The following CHM variants were observed in gnomAD, a reference collection of about 807,000 sequenced individuals.
CHM encodes the protein CHM Rab escort protein, also known as rab proteins geranylgeranyltransferase component A 1.
CHM carries 10 observed loss-of-function variants against 49.0 expected under a neutral mutation model. The ratio of observed to expected loss-of-function variants is 0.20; its 90% CI spans 0.13 to 0.35. CHM has a LOEUF of 0.35. CHM is among the 10% of genes least tolerant of loss of function. The pLI is 1.00. For missense variants in CHM, 455 were observed against 478.4 expected (o/e 0.95, Z 0.46); for synonymous variants, 184 against 167.5 (o/e 1.10, Z -0.76).
rs1433263189 is a variant in CHM, at chrX:85,995,258, C to CT, written c.117-13450dup. On this transcript the variant is annotated intron_variant, in intron 2 of 14. Coordinates refer to ENST00000357749, the MANE Select transcript of CHM (RefSeq NM_000390.4). Reference sequence around the variant, plus strand: ...TAAAGGGTGAAAACATTCCTTATTACTTAAAAAAAAAAAAAAAAAAAAAAA... The same window carrying CT: ...TAAAGGGTGAAAACATTCCTTATTACTTTAAAAAAAAAAAAAAAAAAAAAAA... Among the ~76,000 whole-genome samples, 7 of 41,782 alleles carry CT rather than the reference C, an allele frequency of 1.7e-4. No homozygotes were observed. The Admixed American group carries it at 1.9e-3, about 11-fold the overall frequency. 36.3% of individuals were successfully genotyped at this position (41,782 alleles called of 115,157 possible).
chrX:86,024,726 C>T (rs1179504800), intron 2 of CHM, among the ~76,000 whole-genome samples: 2 of 112,064 alleles, frequency 1.8e-5, no homozygotes, highest in East Asian at 5.6e-4. Context: ...ATCATAGTAC[C>T]TAGAAGAGAT....
intron 2 of CHM, among the ~76,000 whole-genome samples, chrX:86,014,658 T>A (rs1182716743): frequency 8.9e-6 from 1 of 112,327 alleles, no homozygotes; most frequent in African/African-American, 3.2e-5. Flanking sequence ...AAATCCTGCA[T>A]CACTATATAA....
chrX:86,018,452 T>G lies in CHM; in HGVS notation c.116+9039A>C, dbSNP rs80128497. 6.6e-3 allele frequency among the ~76,000 whole-genome samples: 738 copies of G among 112,198 alleles called. 4 individuals are homozygous for G. Among genetic ancestry groups the G allele is most frequent in the East Asian group, 0.057 (204 of 3,553 alleles). On this transcript the variant is annotated intron_variant, in intron 2 of 14. Coordinates refer to ENST00000357749, the MANE Select transcript of CHM (RefSeq NM_000390.4). The stretch of plus-strand genomic sequence containing the variant: ...TGTTAATGGGAAATAGTATAGGAAC[T>G]CTGCAAAATAGCTTGGCAATTTCTT...
rs1389444440 is a variant in CHM, at chrX:85,873,067, A to G, written c.1755T>C (p.Asp585=). ...CSGPDCGLGN[D]NAVKQAETLF... The stretch of plus-strand genomic sequence containing the variant: ...AGAGCCTTACCTGTTTGACTGCATT[A>G]TCATTTCCTAAACCACAATCTGGGC... Residue 585 remains aspartate (D), a synonymous_variant, in exon 14 of 15, where the codon GAT becomes GAC. Transcript: ENST00000357749. The G allele has an allele frequency of 1.7e-6, 2 of 1,209,085 alleles. No individual in the cohort carries two copies. Among genetic ancestry groups the G allele is most frequent in the South Asian group, 3.5e-5 (2 of 56,746 alleles).
intron 2 of CHM, among the ~76,000 whole-genome samples, chrX:86,012,822 C>T (rs1456956661): frequency 4.5e-5 from 5 of 110,619 alleles, no homozygotes; most frequent in African/African-American, 1.6e-4. Flanking sequence ...CCTAGGCAGA[C>T]AGTGGCAGGT....
chrX:86,044,329 G>A (rs1422011960), intron 1 of CHM, among the ~76,000 whole-genome samples: 1 of 112,012 alleles, frequency 8.9e-6, no homozygotes, highest in African/African-American at 3.2e-5. Context: ...TCATTTGTAT[G>A]TCTAATAGCA....
chrX:85,875,786 A>G (rs186289800), intron 13 of CHM, among the ~76,000 whole-genome samples: 1 of 111,702 alleles, frequency 9.0e-6, no homozygotes, highest in Non-Finnish European at 1.9e-5. Context: ...TTCACTGACC[A>G]TATGATTCTA....
chrX:85,999,549 T>C (rs905984445), intron 2 of CHM, among the ~76,000 whole-genome samples: 9 of 112,011 alleles, frequency 8.0e-5, no homozygotes, highest in African/African-American at 2.3e-4. Flanking sequence ...CAATTATTGG[T>C]AGAAGTAGAT....
At chrX:86,007,699 A>G (rs754729975) in intron 2 of CHM, among the ~76,000 whole-genome samples, 31 of 112,544 alleles carry the variant, frequency 2.8e-4, no homozygotes, top group African/African-American at 7.7e-4. Flanking sequence ...AATCAAAACC[A>G]CAATGAGGTA....
At chrX:85,977,534 A>G (rs915013625) in intron 4 of CHM, among the ~76,000 whole-genome samples, 1 of 112,553 alleles carries the variant, frequency 8.9e-6, no homozygotes, top group African/African-American at 3.2e-5. Flanking sequence ...TTGAAGTAAC[A>G]AAAGTATAAT....
At chrX:86,020,579 CAAAT>C (rs1933493709) in intron 2 of CHM, among the ~76,000 whole-genome samples, 1 of 104,338 alleles carries the variant, frequency 9.6e-6, no homozygotes, top group Non-Finnish European at 2.0e-5. Flanking sequence ...ATATATATTA[CAAAT>C]ATTACTATAT....
At chrX:85,962,091 T>C (rs1930326707) in intron 5 of CHM, among the ~76,000 whole-genome samples, 1 of 112,689 alleles carries the variant, frequency 8.9e-6, no homozygotes, top group Non-Finnish European at 1.9e-5. Context: ...CACATTTATA[T>C]CATCATTTAT....
intron 5 of CHM, among the ~76,000 whole-genome samples, chrX:85,960,712 C>T (rs780310472): frequency 9.0e-6 from 1 of 111,308 alleles, no homozygotes; most frequent in East Asian, 2.8e-4. Flanking sequence ...AGGACTGAGC[C>T]ACCACGCTCA....
intron 8 of CHM, among the ~76,000 whole-genome samples, chrX:85,934,897 GA>G (rs1307630739): frequency 4.7e-4 from 53 of 111,731 alleles, no homozygotes; most frequent in Admixed American, 2.6e-3. Flanking sequence ...TACAGAGTAG[GA>G]GGTAAAAACA....
At chrX:86,032,652 T>C (rs1185472627) in intron 1 of CHM, among the ~76,000 whole-genome samples, 3 of 112,313 alleles carry the variant, frequency 2.7e-5, no homozygotes, top group African/African-American at 6.5e-5. Flanking sequence ...AATATAATTA[T>C]TACATTCATT....
At chrX:85,918,611 T>C (rs754370265) in intron 8 of CHM, among the ~76,000 whole-genome samples, 6 of 111,521 alleles carry the variant, frequency 5.4e-5, no homozygotes, top group South Asian at 7.6e-4. Context: ...AAGTGGCAAG[T>C]TGGATAAAGA....
At chrX:85,988,661 A>G (rs1932034647) in intron 2 of CHM, among the ~76,000 whole-genome samples, 1 of 111,956 alleles carries the variant, frequency 8.9e-6, no homozygotes, top group Non-Finnish European at 1.9e-5. Flanking sequence ...GTTTCAGGAT[A>G]CAAAACCAAT....
At chrX:86,041,231 C>A (rs1934444072) in intron 1 of CHM, among the ~76,000 whole-genome samples, 1 of 111,457 alleles carries the variant, frequency 9.0e-6, no homozygotes, top group Admixed American at 9.6e-5. Flanking sequence ...AGATGTGGCT[C>A]TCTCTGAGGT....
At chrX:85,981,401 T>C (rs1180995830) in intron 3 of CHM, among the ~76,000 whole-genome samples, 1 of 108,005 alleles carries the variant, frequency 9.3e-6, no homozygotes, top group Non-Finnish European at 1.9e-5. Flanking sequence ...GCCCAGCTAA[T>C]TTTTGTATTT....
Sources: allele counts gnomAD v4.1 joint callset (sites outside exome capture counted in the v4.1 genomes callset), GRCh38; gene constraint gnomAD v4.1.1; transcripts MANE v1.5; gene names NCBI Gene and HGNC (gene_info 2026-07-23, HGNC 2026-07-21).